The following TUBB variants were observed in gnomAD, a reference collection of about 807,000 sequenced individuals.
TUBB encodes tubulin beta class I, also known as tubulin beta chain.
TUBB carries 2 observed loss-of-function variants against 35.1 expected under a neutral mutation model. That is an observed-to-expected ratio of 0.06 (90% confidence interval 0.02 to 0.18). The LOEUF (loss-of-function observed/expected upper bound fraction) is 0.18. TUBB is among the 10% of genes least tolerant of loss of function. TUBB has a pLI of 1.00. For synonymous variants in TUBB, 205 were observed against 223.8 expected, an observed-to-expected ratio of 0.92 and a Z score of 0.75; for missense variants, 50 against 599.4, an observed-to-expected ratio of 0.08 and a Z score of 9.57.
intron 1 of TUBB, chr6:30,722,076 C>T (rs1056936192): frequency 1.1e-5 from 2 of 186,968 alleles, no homozygotes; most frequent in Non-Finnish European, 2.0e-5. Flanking sequence ...TCGGTTGAGC[C>T]TGGGAGTTCC....
chr6:30,720,696 A>C, intron 1 of TUBB, 133 bp downstream of exon 1: 1 of 727,930 alleles, frequency 1.4e-6, no homozygotes, highest in Non-Finnish European at 2.3e-6. Flanking sequence ...TTACATTTAT[A>C]TATATAACAA....
At chr6:30,723,258 A>G in intron 3 of TUBB, 82 bp from the exon 4 acceptor site, 1 of 1,178,830 alleles carries the variant, frequency 8.5e-7, no homozygotes, top group Non-Finnish European at 1.2e-6. Flanking sequence ...ATCCGAGGGA[A>G]TTATTTGAAA....
At chr6:30,721,996 G>A (rs980392412) in intron 1 of TUBB, 10 of 760,996 alleles carry the variant, frequency 1.3e-5, no homozygotes, top group Non-Finnish European at 1.6e-5. Context: ...AAAAATAAAA[G>A]TAAAAAATTA....
intron 1 of TUBB, chr6:30,721,672 C>A: frequency 1.0e-6 from 1 of 985,362 alleles, no homozygotes; most frequent in Non-Finnish European, 1.2e-6. Context: ...CGCGGTGGGG[C>A]GGTGCCCAGC....
At chr6:30,722,504 A>C (rs1776352387) in intron 1 of TUBB, 33 bp from the exon 2 acceptor site, 1 of 1,466,566 alleles carries the variant, frequency 6.8e-7, no homozygotes, top group Non-Finnish European at 9.5e-7. Flanking sequence ...CTGGGACTTG[A>C]CCTGTTGTGG....
intron 3 of TUBB, 93 bp from the exon 4 acceptor site, chr6:30,723,247 C>T: frequency 1.8e-6 from 2 of 1,116,732 alleles, no homozygotes; most frequent in Non-Finnish European, 2.5e-6. Flanking sequence ...AAAGAAGATA[C>T]ATCCGAGGGA....
rs538816392 is a variant in TUBB at position 30,724,545 on chromosome 6, A to G, written c.*148A>G. 35 of 660,722 alleles carry G rather than the reference A, an allele frequency of 5.3e-5. No homozygotes were observed. Among genetic ancestry groups the G allele is most frequent in the African/African-American group, 4.7e-4 (26 of 55,006 alleles). 40.9% of individuals were successfully genotyped at this position (660,722 alleles called of 1,614,324 possible). A position where few individuals can be genotyped will look rare whatever the true frequency, so the allele number is the denominator to read the frequency against. Reference sequence around the variant, plus strand: ...GGGGGTCTAGAACAGTGCCTGGCACATAGTAGGCGCTCAATAAATACTTGT... The same window carrying G: ...GGGGGTCTAGAACAGTGCCTGGCACGTAGTAGGCGCTCAATAAATACTTGT... On this transcript the variant is annotated 3_prime_UTR_variant, in exon 4 of 4. Coordinates refer to ENST00000327892, the MANE Select transcript of TUBB (RefSeq NM_178014.4). This position sits in a 1 kb window ranked among gnomAD's most constrained non-coding sequence, Gnocchi z 4.4.
chr6:30,722,667 G>A (rs769989949), intron 2 of TUBB, 22 bp downstream of exon 2: 4 of 1,594,960 alleles, frequency 2.5e-6, no homozygotes. Context: ...AGCCCGGGCA[G>A]CTCAGGTTCC....
chr6:30,721,552 C>G (rs1776253913), intron 1 of TUBB: 4 of 985,180 alleles, frequency 4.1e-6, no homozygotes, highest in South Asian at 9.4e-5. Flanking sequence ...CGCGCGAAGT[C>G]TTTTGTCGGC....
In TUBB at chr6:30,723,027, T is replaced by C; in HGVS notation, c.276T>C (p.Phe92=). The C allele has an allele frequency of 1.2e-6, 2 of 1,609,606 alleles. No homozygotes were observed. The highest frequency in any genetic ancestry group is 1.7e-6 in the Non-Finnish European group (2 of 1,177,090). The change falls in exon 3 of 4, where the codon TTT becomes TTC. Residue 92 remains phenylalanine (F), a splice_region_variant and synonymous_variant. Transcript: ENST00000327892. The part of the protein sequence containing the change: ...GQIFRPDNFV[F]GQSGAGNNWA... ...TCTTTAGACCAGACAACTTTGTATT[T>C]GGTGAGTTATACAGATGATATTAGC...
chr6:30,721,602 G>T (rs375908624), intron 1 of TUBB: 6 of 984,682 alleles, frequency 6.1e-6, no homozygotes, highest in African/African-American at 3.5e-5. Flanking sequence ...GTGGAGGGCG[G>T]GGGGGGTGGT....
chr6:30,721,235 CT>C (rs1227091876), intron 1 of TUBB, among the ~76,000 whole-genome samples: 1 of 152,094 alleles, frequency 6.6e-6, no homozygotes, highest in African/African-American at 2.4e-5. Flanking sequence ...GTGTGGTTTT[CT>C]TTAATGAGTC....
At chr6:30,721,503 G>T (rs1776245669) in intron 1 of TUBB, 4 of 971,262 alleles carry the variant, frequency 4.1e-6, no homozygotes, top group South Asian at 9.5e-5. Flanking sequence ...CTTGGGCCCC[G>T]CCCCTCGCGC....
Position 30,725,272 on chromosome 6 carries a change from T to A in TUBB, c.*875T>A. 6.3e-6 allele frequency: 1 copy of A among 157,682 alleles called. No individual in the cohort carries two copies. 9.8% of individuals were successfully genotyped at this position (157,682 alleles called of 1,614,324 possible). ...TCCATCTTTTTTGCAACATCTCATTTCTTCCTTTTGCTGTTGCTTCCCCCC... is the reference window on the plus strand; with the variant it reads ...TCCATCTTTTTTGCAACATCTCATTACTTCCTTTTGCTGTTGCTTCCCCCC... On this transcript the variant is annotated 3_prime_UTR_variant, in exon 4 of 4. Coordinates refer to ENST00000327892, the MANE Select transcript of TUBB (RefSeq NM_178014.4).
At position 30,724,299 on chromosome 6, in the gene TUBB, A is replaced by G; in HGVS notation, c.1237A>G (p.Ser413Gly). Residue 413 changes from serine to glycine, a missense_variant, in exon 4 of 4, where the codon AGC becomes GGC. Transcript: ENST00000327892. This position sits in a 1 kb window ranked among gnomAD's most constrained non-coding sequence, Gnocchi z 4.4. ...MDEMEFTEAE[S>G]NMNDLVSEYQ... Reference sequence around the variant, plus strand: ...CGAGATGGAGTTCACCGAGGCTGAGAGCAACATGAACGACCTCGTCTCTGA... The same window carrying G: ...CGAGATGGAGTTCACCGAGGCTGAGGGCAACATGAACGACCTCGTCTCTGA... The G allele has an allele frequency of 6.2e-7, 1 of 1,613,410 alleles. No homozygotes were observed. The highest frequency in any genetic ancestry group is 1.3e-5 in the African/African-American group (1 of 75,020).
At chr6:30,720,715 A>T in intron 1 of TUBB, 152 bp downstream of exon 1, 1 of 681,866 alleles carries the variant, frequency 1.5e-6, no homozygotes, top group Non-Finnish European at 2.5e-6. Context: ...AATTGTAGCT[A>T]GCATTTGCCT....
intron 1 of TUBB, chr6:30,721,558 T>G: frequency 1.0e-6 from 1 of 985,094 alleles, no homozygotes; most frequent in Non-Finnish European, 1.2e-6. Flanking sequence ...AAGTCTTTTG[T>G]CGGCGGCTCG....
chr6:30,723,752 A>T lies in TUBB; in HGVS notation c.690A>T (p.Ser230=). 6.2e-7 allele frequency: 1 copy of T among 1,614,210 alleles called. No homozygotes were observed. Among genetic ancestry groups the T allele is most frequent in the Non-Finnish European group, 8.5e-7 (1 of 1,180,040 alleles). ...PTYGDLNHLV[S]ATMSGVTTCL... is the part of the protein sequence containing the mutation. ...ACGGGGATCTGAACCACCTTGTCTC[A>T]GCCACCATGAGTGGTGTCACCACCT... Residue 230 remains serine, a synonymous_variant, in exon 4 of 4, where the codon TCA becomes TCT. Transcript: ENST00000327892.
chr6:30,722,928 T>C lies in TUBB; in HGVS notation c.177T>C (p.Tyr59=), dbSNP rs1342826867. 5 of 1,611,968 alleles carry C rather than the reference T, an allele frequency of 3.1e-6. No individual in the cohort carries two copies. Among genetic ancestry groups the C allele is most frequent in the Admixed American group, 3.3e-5 (2 of 59,836 alleles). The part of the protein sequence containing the change: ...VYYNEATGGK[Y]VPRAILVDLE... ...CTTTATTCTCTGTAGGTGGCAAATATGTTCCTCGTGCCATCCTGGTGGATC... is the reference window on the plus strand; with the variant it reads ...CTTTATTCTCTGTAGGTGGCAAATACGTTCCTCGTGCCATCCTGGTGGATC... The change falls in exon 3 of 4, where the codon TAT becomes TAC. Residue 59 remains tyrosine, a synonymous_variant. Transcript: ENST00000327892.
Sources: allele counts gnomAD v4.1 joint callset (sites outside exome capture counted in the v4.1 genomes callset), GRCh38; gene constraint gnomAD v4.1.1; non-coding constraint Gnocchi (gnomAD v3.1); transcripts MANE v1.5; gene names NCBI Gene and HGNC (gene_info 2026-07-23, HGNC 2026-07-21).